XRCC6: variants seen among roughly 807,000 people sequenced by gnomAD.
XRCC6 encodes DNA repair protein Ku70.
XRCC6 carries 5 observed loss-of-function variants against 65.7 expected under a neutral mutation model. The ratio of observed to expected loss-of-function variants is 0.08; its 90% CI spans 0.04 to 0.16. The LOEUF (loss-of-function observed/expected upper bound fraction) is 0.16, where lower values mean the gene tolerates loss of function less well. Among genes scored for constraint, XRCC6 ranks in the 10% least tolerant of loss-of-function variants. XRCC6 has a pLI of 1.00. For missense variants in XRCC6, 447 were observed against 738.1 expected (o/e 0.61, Z 4.57); for synonymous variants, 270 against 270.6 (o/e 1.00, Z 0.02).
chr22:41,645,538 T>A (rs1005998509), intron 6 of XRCC6, among the ~76,000 whole-genome samples: 3 of 152,200 alleles, frequency 2.0e-5, no homozygotes, highest in South Asian at 4.1e-4. Flanking sequence ...GGGTCAGATA[T>A]GCCCACCACT....
chr22:41,652,935 G>T (rs2068014883), intron 8 of XRCC6, among the ~76,000 whole-genome samples: 1 of 151,740 alleles, frequency 6.6e-6, no homozygotes, highest in African/African-American at 2.4e-5. Flanking sequence ...GCCTCCCAAA[G>T]TGCTGGGATT....
chr22:41,649,838 C>CAA lies in XRCC6; in HGVS notation c.961-875_961-874dup, dbSNP rs755487589. 1.4e-3 allele frequency among the ~76,000 whole-genome samples: 93 copies of CAA among 67,642 alleles called. 1 individual carries two copies. Among genetic ancestry groups the CAA allele is most frequent in the African/African-American group, 2.4e-3 (67 of 28,222 alleles). 44.4% of individuals were successfully genotyped at this position (67,642 alleles called of 152,430 possible). ...TGCCTGGGTGACAGCGAGACTGTCT[C>CAA]AAAAAAAAAAATAATAATAAATAAA... On this transcript the variant is annotated intron_variant, in intron 7 of 12. Transcript: ENST00000360079.
At chr22:41,647,803 G>A (rs1266992071) in intron 7 of XRCC6, among the ~76,000 whole-genome samples, 7 of 151,876 alleles carry the variant, frequency 4.6e-5, no homozygotes, top group Admixed American at 3.3e-4. Context: ...GAACTCCTAG[G>A]CTCAAGCAGT....
intron 10 of XRCC6, 97 bp from the exon 11 acceptor site, chr22:41,658,155 C>T (rs936254793): frequency 2.6e-5 from 32 of 1,238,654 alleles, no homozygotes; most frequent in Admixed American, 9.9e-5. Context: ...TTTTTCTCAG[C>T]TCACCCCGGA....
intron 6 of XRCC6, among the ~76,000 whole-genome samples, chr22:41,641,820 C>G (rs941073606): frequency 1.4e-4 from 22 of 151,976 alleles, no homozygotes; most frequent in African/African-American, 5.3e-4. Context: ...GAGCCTGAGT[C>G]TTGCTCTTGT....
chr22:41,639,444 C>T (rs1280820922), intron 6 of XRCC6, among the ~76,000 whole-genome samples: 1 of 144,464 alleles, frequency 6.9e-6, no homozygotes, highest in African/African-American at 2.5e-5. Flanking sequence ...AGTGATCGCC[C>T]CATATCAGTG....
At chr22:41,640,994 G>A (rs2067869460) in intron 6 of XRCC6, among the ~76,000 whole-genome samples, 1 of 152,142 alleles carries the variant, frequency 6.6e-6, no homozygotes, top group Admixed American at 6.6e-5. Context: ...TGTAATCCCA[G>A]CATGTTAGTA....
intron 3 of XRCC6, among the ~76,000 whole-genome samples, chr22:41,635,452 T>C (rs564454286): frequency 8.1e-4 from 124 of 152,358 alleles, no homozygotes; most frequent in Non-Finnish European, 1.5e-3. Flanking sequence ...GTTAAGTAAG[T>C]GACATCAGTA....
chr22:41,622,019 G>C lies in XRCC6; in HGVS notation c.15G>C (p.Glu5Asp). 1 of 1,614,244 alleles carries C rather than the reference G, an allele frequency of 6.2e-7. No homozygotes were observed. The highest frequency in any genetic ancestry group is 8.5e-7 in the Non-Finnish European group (1 of 1,180,042). ...CAGTAGCCAACATGTCAGGGTGGGA[G>C]TCATATTACAAAACCGAGGGCGATG... MSGW[E>D]SYYKTEGDEE... The change falls in exon 2 of 13, where the codon GAG becomes GAC. Residue 5 changes from glutamate (E) to aspartate (D), a missense_variant. Coordinates refer to ENST00000360079, the MANE Select transcript of XRCC6 (RefSeq NM_001469.5).
At chr22:41,626,759 TCCCGAGTAGCTGGGACTGCAGGTGTCCA>T (rs2067680032) in intron 2 of XRCC6, among the ~76,000 whole-genome samples, 1 of 151,086 alleles carries the variant, frequency 6.6e-6, no homozygotes, top group East Asian at 2.0e-4. Context: ...TGCCTCAGCC[TCCCGAGTAGCTGGGACTGCAGGTGTCCA>T]CCACCACGCC....
At chr22:41,638,809 A>G (rs896947067) in intron 6 of XRCC6, among the ~76,000 whole-genome samples, 3 of 150,280 alleles carry the variant, frequency 2.0e-5, no homozygotes, top group East Asian at 1.9e-4. Flanking sequence ...GAAATATGGT[A>G]TAAAGATAAA....
chr22:41,633,458 G>A (rs1247681322), intron 3 of XRCC6, among the ~76,000 whole-genome samples: 1 of 151,072 alleles, frequency 6.6e-6, no homozygotes, highest in Non-Finnish European at 1.5e-5. Flanking sequence ...CTCACTGCAA[G>A]CTCTGCCTCC....
intron 3 of XRCC6, among the ~76,000 whole-genome samples, chr22:41,634,486 C>A (rs56290323): frequency 6.8e-6 from 1 of 148,106 alleles, no homozygotes; most frequent in South Asian, 2.2e-4. Context: ...GTACCTGGCC[C>A]GAAGACTTAA....
At chr22:41,621,868 G>C in intron 1 of XRCC6, 122 bp from the exon 2 acceptor site, 1 of 909,264 alleles carries the variant, frequency 1.1e-6, no homozygotes. Context: ...GAGGCAGCAG[G>C]ATTTACCGTC....
intron 3 of XRCC6, among the ~76,000 whole-genome samples, chr22:41,632,824 T>TG (rs199608899): frequency 0.017 from 2,442 of 146,170 alleles, 71 homozygotes; most frequent in African/African-American, 0.057. Context: ...CCCTGTCTCT[T>TG]GGAAAAAAAA....
intron 7 of XRCC6, 22 bp from the exon 8 acceptor site, chr22:41,650,701 C>T (rs368293813): frequency 1.9e-6 from 3 of 1,608,466 alleles, no homozygotes; most frequent in Non-Finnish European, 2.5e-6. Flanking sequence ...CCCATTTGAT[C>T]CTTGTCGTTC....
intron 3 of XRCC6, among the ~76,000 whole-genome samples, chr22:41,630,856 C>T (rs963759108): frequency 2.8e-4 from 42 of 152,228 alleles, no homozygotes; most frequent in African/African-American, 9.6e-4. Flanking sequence ...TCTCCCATGT[C>T]TACTTTTTTC....
chr22:41,633,471 G>A (rs1373895760), intron 3 of XRCC6, among the ~76,000 whole-genome samples: 1 of 151,730 alleles, frequency 6.6e-6, no homozygotes. Context: ...CTGCCTCCTG[G>A]GTTCACACCA....
At chr22:41,626,632 TTTTTTTTTTTG>T (rs1419561256) in intron 2 of XRCC6, among the ~76,000 whole-genome samples, 4 of 134,658 alleles carry the variant, frequency 3.0e-5, no homozygotes, top group Admixed American at 2.9e-4. Context: ...TGTTTGTTTG[TTTTTTTTTTTG>T]TTTTTTTTTT....
Sources: gnomAD v4.1 joint callset for allele counts (sites outside exome capture counted in the v4.1 genomes callset) on GRCh38, gnomAD v4.1.1 for gene constraint, MANE v1.5 for transcripts, NCBI Gene and HGNC (gene_info 2026-07-23, HGNC 2026-07-21) for gene names.